Variants in TASP1 observed in about 807,000 individuals in gnomAD.
TASP1 encodes threonine aspartase 1.
TASP1 carries 16 observed loss-of-function variants against 56.6 expected under a neutral mutation model. The observed-to-expected ratio is 0.28, with a 90% CI of 0.19 to 0.43. The LOEUF (loss-of-function observed/expected upper bound fraction) is 0.43. TASP1 is among the 20% of genes least tolerant of loss of function. TASP1 has a pLI of 1.00. For synonymous variants in TASP1, 179 were observed against 184.2 expected, an observed-to-expected ratio of 0.97 and a Z score of 0.23; for missense variants, 393 against 511.6, an observed-to-expected ratio of 0.77 and a Z score of 2.24.
chr20:13,551,882 C>T (rs2045991706), intron 8 of TASP1, among the ~76,000 whole-genome samples: 1 of 152,252 alleles, frequency 6.6e-6, no homozygotes, highest in Non-Finnish European at 1.5e-5. Flanking sequence ...ACCACATGAA[C>T]TTACTGATAA....
At chr20:13,233,162 A>G in the TASP1 span, among the ~76,000 whole-genome samples, 3 of 152,228 alleles carry the variant, frequency 2.0e-5, no homozygotes, top group African/African-American at 2.4e-5. Flanking sequence ...AACCAGAAAT[A>G]GATTTCGTAT....
At chr20:13,297,448 T>C in the TASP1 span, among the ~76,000 whole-genome samples, 1 of 152,238 alleles carries the variant, frequency 6.6e-6, no homozygotes, top group African/African-American at 2.4e-5. Flanking sequence ...TGAAATCACT[T>C]CCCAAAAAAT....
At chr20:13,589,188 G>A (rs181803735) in intron 4 of TASP1, among the ~76,000 whole-genome samples, 11 of 151,518 alleles carry the variant, frequency 7.3e-5, no homozygotes, top group Admixed American at 5.3e-4. Flanking sequence ...CTCTTGAGTA[G>A]GTGGGACTAC....
At chr20:13,517,483 T>C (rs1165513944) in intron 10 of TASP1, among the ~76,000 whole-genome samples, 2 of 152,160 alleles carry the variant, frequency 1.3e-5, no homozygotes, top group Non-Finnish European at 2.9e-5. Context: ...AGCTAAGCAG[T>C]ATTTCCGCTT....
the TASP1 span, among the ~76,000 whole-genome samples, chr20:13,380,484 G>A: frequency 2.0e-5 from 3 of 152,224 alleles, no homozygotes; most frequent in Non-Finnish European, 2.9e-5. Flanking sequence ...GATGCCAGCT[G>A]GAGCTCTCCT....
chr20:13,233,808 T>C, the TASP1 span, among the ~76,000 whole-genome samples: 3 of 152,122 alleles, frequency 2.0e-5, no homozygotes, highest in Admixed American at 2.0e-4. Flanking sequence ...ACTAGGTGCA[T>C]TCATGGCCCA....
intron 11 of TASP1, among the ~76,000 whole-genome samples, chr20:13,469,989 A>T (rs187136872): frequency 6.6e-6 from 1 of 151,404 alleles, no homozygotes; most frequent in Non-Finnish European, 1.5e-5. Flanking sequence ...TTGTATTTTT[A>T]GTAGAGACGG....
chr20:13,319,101 A>G, the TASP1 span, among the ~76,000 whole-genome samples: 1 of 152,150 alleles, frequency 6.6e-6, no homozygotes, highest in Non-Finnish European at 1.5e-5. Context: ...AGTCAGAGAG[A>G]GTATGTCTCT....
intron 10 of TASP1, among the ~76,000 whole-genome samples, chr20:13,521,104 C>A (rs1960327349): frequency 1.3e-5 from 2 of 152,098 alleles, no homozygotes; most frequent in South Asian, 4.2e-4. Context: ...GAATGGTGAT[C>A]ATTAAAAAGT....
At chr20:13,596,733 T>C (rs1453289254) in intron 4 of TASP1, among the ~76,000 whole-genome samples, 3 of 152,074 alleles carry the variant, frequency 2.0e-5, no homozygotes, top group Non-Finnish European at 4.4e-5. Flanking sequence ...ACAAAATCAA[T>C]GAATCCAGGA....
chr20:13,243,685 A>C, the TASP1 span, among the ~76,000 whole-genome samples: 1 of 152,258 alleles, frequency 6.6e-6, no homozygotes, highest in South Asian at 2.1e-4. Context: ...TAATGCCAAA[A>C]CCTAGGGAAG....
At chr20:13,316,444 A>G in the TASP1 span, among the ~76,000 whole-genome samples, 1 of 151,958 alleles carries the variant, frequency 6.6e-6, no homozygotes, top group Non-Finnish European at 1.5e-5. Flanking sequence ...TCATCCTATG[A>G]GAGCAGCATT....
intron 4 of TASP1, among the ~76,000 whole-genome samples, chr20:13,622,033 C>T (rs186464216): frequency 7.2e-5 from 11 of 152,296 alleles, no homozygotes; most frequent in Admixed American, 5.2e-4. Context: ...TTATCCTCAA[C>T]ATATAATTAA....
At chr20:13,248,464 T>G in the TASP1 span, among the ~76,000 whole-genome samples, 14 of 152,346 alleles carry the variant, frequency 9.2e-5, no homozygotes, top group African/African-American at 3.4e-4. Context: ...GACATACTGC[T>G]TCAAGATCAA....
At chr20:13,151,495 G>C in the TASP1 span, among the ~76,000 whole-genome samples, 2 of 152,208 alleles carry the variant, frequency 1.3e-5, no homozygotes, top group African/African-American at 2.4e-5. Flanking sequence ...CAACCTGCCT[G>C]CTGGGAGCTG....
chr20:13,303,749 G>A, the TASP1 span, among the ~76,000 whole-genome samples: 2 of 152,158 alleles, frequency 1.3e-5, no homozygotes, highest in African/African-American at 4.8e-5. Flanking sequence ...CAGATACCAG[G>A]GATACAGCGG....
the TASP1 span, among the ~76,000 whole-genome samples, chr20:13,237,493 G>C: frequency 6.6e-6 from 1 of 152,150 alleles, no homozygotes; most frequent in African/African-American, 2.4e-5. Flanking sequence ...ATTCTGTTTA[G>C]GTAAAGTTCA....
chr20:13,282,044 A>C, the TASP1 span, among the ~76,000 whole-genome samples: 1 of 152,190 alleles, frequency 6.6e-6, no homozygotes, highest in Non-Finnish European at 1.5e-5. Flanking sequence ...TGGGACCCAG[A>C]AATCCGTTTG....
Position 13,496,797 on chromosome 20 carries a change from C to T in TASP1, c.875-13460G>A, listed in dbSNP as rs151052536. Among the ~76,000 whole-genome samples the T allele has an allele frequency of 1.8e-3, 275 of 152,290 alleles. 1 individual carries two copies. Among genetic ancestry groups the T allele is most frequent in the African/African-American group, 6.2e-3 (258 of 41,564 alleles). On this transcript the variant is annotated intron_variant, in intron 10 of 13. Coordinates refer to ENST00000337743, the MANE Select transcript of TASP1 (RefSeq NM_017714.3). Reference sequence around the variant, plus strand: ...GAAACTTCCAAGAGTCCAGCACTCCCACTGTAATAACAATAGCAAGCCAGA... The same window carrying T: ...GAAACTTCCAAGAGTCCAGCACTCCTACTGTAATAACAATAGCAAGCCAGA...
Sources: gnomAD v4.1 joint callset for allele counts (sites outside exome capture counted in the v4.1 genomes callset) on GRCh38, gnomAD v4.1.1 for gene constraint, MANE v1.5 for transcripts, NCBI Gene and HGNC (gene_info 2026-07-23, HGNC 2026-07-21) for gene names.